The following SLC26A4 variants were observed in gnomAD, a reference collection of about 807,000 sequenced individuals.
The protein encoded by SLC26A4 is solute carrier family 26 member 4.
A neutral mutation model predicts 90.4 loss-of-function variants in SLC26A4; 93 were observed. The ratio of observed to expected loss-of-function variants is 1.03; its 90% CI spans 0.87 to 1.22. SLC26A4 has a LOEUF of 1.22. SLC26A4 is among the 50% of genes most tolerant of loss of function. The pLI is 0.00. For synonymous variants in SLC26A4, 393 were observed against 354.6 expected, an observed-to-expected ratio of 1.11 and a Z score of -1.22; for missense variants, 1,127 against 946.2, an observed-to-expected ratio of 1.19 and a Z score of -2.51.
chr7:107,685,847 TATAGTG>T (rs1239519507), intron 8 of SLC26A4, among the ~76,000 whole-genome samples: 7 of 152,284 alleles, frequency 4.6e-5, no homozygotes, highest in Non-Finnish European at 8.8e-5. Context: ...CCTCTTCTGT[TATAGTG>T]GTGTGTGTGT....
intron 3 of SLC26A4, among the ~76,000 whole-genome samples, chr7:107,664,539 C>T (rs1021973910): frequency 1.3e-5 from 2 of 152,146 alleles, no homozygotes; most frequent in African/African-American, 2.4e-5. Context: ...GCCTCCCACA[C>T]GTGGATCTTG....
In SLC26A4 at chr7:107,694,682, T is replaced by A; in HGVS notation, c.1403T>A (p.Ile468Asn). 15 of 1,613,466 alleles carry A rather than the reference T, an allele frequency of 9.3e-6. No individual in the cohort carries two copies. The highest frequency in any genetic ancestry group is 1.3e-5 in the Non-Finnish European group (15 of 1,179,410). ...LKGMFMQLCDIPRLWRQNKID... is the reference protein window; with the variant it reads ...LKGMFMQLCDNPRLWRQNKID... Reference sequence around the variant, plus strand: ...GGGATGTTTATGCAGCTGTGTGACATTCCTCGTCTGTGGAGACAGAATAAG... The same window carrying A: ...GGGATGTTTATGCAGCTGTGTGACAATCCTCGTCTGTGGAGACAGAATAAG... Residue 468 changes from isoleucine (I) to asparagine (N), a missense_variant, in exon 12 of 21, where the codon ATT becomes AAT. Transcript: ENST00000644269.
chr7:107,717,060 C>T lies in SLC26A4; in HGVS notation c.*1614C>T, dbSNP rs995631227. On this transcript the variant is annotated 3_prime_UTR_variant, in exon 21 of 21. Coordinates refer to ENST00000644269, the MANE Select transcript of SLC26A4 (RefSeq NM_000441.2). ...CTTATATTGACAACAAATCATCTCG[C>T]TAAAGAGTGAATGTAGGCCAGGCGC... The T allele has an allele frequency of 6.6e-6, 1 of 152,086 alleles. No homozygotes were observed. Among genetic ancestry groups the T allele is most frequent in the Non-Finnish European group, 1.5e-5 (1 of 68,020 alleles). 9.4% of individuals were successfully genotyped at this position (152,086 alleles called of 1,614,324 possible).
chr7:107,693,662 G>C, intron 10 of SLC26A4: 1 of 989,794 alleles, frequency 1.0e-6, no homozygotes, highest in South Asian at 4.6e-5. Flanking sequence ...CTCCTAACTA[G>C]TATGGATCTT....
Position 107,701,946 on chromosome 7 carries a change from C to T in SLC26A4, c.1923C>T (p.Asn641=), listed in dbSNP as rs1791901657. 1.9e-6 allele frequency: 3 copies of T among 1,613,252 alleles called. No homozygotes were observed. Among genetic ancestry groups the T allele is most frequent in the Non-Finnish European group, 2.5e-6 (3 of 1,179,198 alleles). The part of the protein sequence containing the change: ...TKEIEIQVDW[N]SELPVKVNVP... ...AAATAGAGATTCAAGTGGATTGGAACTCTGAGCTTCCAGTCAAAGTGAACG... is the reference window on the plus strand; with the variant it reads ...AAATAGAGATTCAAGTGGATTGGAATTCTGAGCTTCCAGTCAAAGTGAACG... Residue 641 remains asparagine, a synonymous_variant, in exon 17 of 21, where the codon AAC becomes AAT. Transcript: ENST00000644269.
chr7:107,687,244 G>A (rs985403258), intron 8 of SLC26A4, among the ~76,000 whole-genome samples: 2 of 152,188 alleles, frequency 1.3e-5, no homozygotes, highest in Non-Finnish European at 2.9e-5. Context: ...GGCCCACTGA[G>A]CAAAAAATTT....
At chr7:107,700,320 C>T (rs1791854071) in intron 15 of SLC26A4, 145 bp downstream of exon 15, 1 of 628,874 alleles carries the variant, frequency 1.6e-6, no homozygotes, top group African/African-American at 1.9e-5. Context: ...ATATAACATC[C>T]TTGCCTTCAA....
Position 107,710,062 on chromosome 7 carries a change from A to G in SLC26A4, c.2098A>G (p.Ile700Val). 5.0e-6 allele frequency: 8 copies of G among 1,613,220 alleles called. No individual in the cohort carries two copies. The highest frequency in any genetic ancestry group is 5.9e-6 in the Non-Finnish European group (7 of 1,179,202). Residue 700 changes from isoleucine (I) to valine (V), a missense_variant, in exon 19 of 21, where the codon ATA becomes GTA. Transcript: ENST00000644269. ...VYFASLQDYV[I>V]EKLEQCGFFD... ...GTGTCTTTCTTTTGAAGATTATGTGATAGAAAAGCTGGAGCAATGCGGGTT... is the reference window on the plus strand; with the variant it reads ...GTGTCTTTCTTTTGAAGATTATGTGGTAGAAAAGCTGGAGCAATGCGGGTT...
chr7:107,683,082 T>C, intron 6 of SLC26A4, 120 bp from the exon 7 acceptor site: 1 of 759,254 alleles, frequency 1.3e-6, no homozygotes. Flanking sequence ...TGTTTGATGC[T>C]GATATCATGG....
intron 18 of SLC26A4, among the ~76,000 whole-genome samples, chr7:107,705,179 A>C (rs1037411438): frequency 6.6e-6 from 1 of 152,188 alleles, no homozygotes; most frequent in Non-Finnish European, 1.5e-5. Flanking sequence ...CGTTTTGATC[A>C]GGCTCTCACC....
At chr7:107,701,285 T>C in intron 16 of SLC26A4, 89 bp downstream of exon 16, 1 of 814,358 alleles carries the variant, frequency 1.2e-6, no homozygotes, top group Non-Finnish European at 2.2e-6. Flanking sequence ...CTATCCTCTT[T>C]AGTATCCAGA....
At position 107,711,186 on chromosome 7, in the gene SLC26A4, G is replaced by GA. The variant is rs368636497; in HGVS notation, c.2235+996dup. Among the ~76,000 whole-genome samples the GA allele has an allele frequency of 1.6e-4, 23 of 146,440 alleles. No homozygotes were observed. In the East Asian group the frequency reaches 2.2e-3, roughly 14 times the overall value. ...AAAAGAGTAAAGCTACAAATCTAAA[G>GA]AAAAAAAAACTGTTTATCATTGAAA... On this transcript the variant is annotated intron_variant, in intron 19 of 20. Transcript: ENST00000644269.
At chr7:107,672,094 G>A in intron 3 of SLC26A4, 44 bp from the exon 4 acceptor site, 1 of 1,238,142 alleles carries the variant, frequency 8.1e-7, no homozygotes, top group Non-Finnish European at 1.2e-6. Flanking sequence ...TCTGCATACT[G>A]TAACTTTGGT....
chr7:107,698,112 G>T lies in SLC26A4; in HGVS notation c.1614+1G>T, dbSNP rs111033312. 6.3e-7 allele frequency: 1 copy of T among 1,591,322 alleles called. No homozygotes were observed. Among genetic ancestry groups the T allele is most frequent in the Admixed American group, 1.7e-5 (1 of 59,956 alleles). On this transcript the variant is annotated splice_donor_variant, in intron 14 of 20. Coordinates refer to ENST00000644269, the MANE Select transcript of SLC26A4 (RefSeq NM_000441.2). LOFTEE classifies it high-confidence loss of function. ...CAAAAGTACCAAGAATTACAAAAAC[G>T]TAAGTACCTTTGTGAGACATTTGCT...
At chr7:107,667,460 TTAA>T (rs1455494355) in intron 3 of SLC26A4, among the ~76,000 whole-genome samples, 12 of 26,426 alleles carry the variant, frequency 4.5e-4, no homozygotes, top group African/African-American at 2.0e-3. Flanking sequence ...GAGAGAAGGT[TTAA>T]AAAAAAAAAA....
At chr7:107,708,177 A>G (rs1792079883) in intron 18 of SLC26A4, among the ~76,000 whole-genome samples, 1 of 152,198 alleles carries the variant, frequency 6.6e-6, no homozygotes, top group African/African-American at 2.4e-5. Context: ...ATTTTTAGAA[A>G]AACTTATAAA....
At chr7:107,685,559 G>A (rs530044902) in intron 8 of SLC26A4, among the ~76,000 whole-genome samples, 1 of 152,188 alleles carries the variant, frequency 6.6e-6, no homozygotes, top group African/African-American at 2.4e-5. Flanking sequence ...AGGACCATAA[G>A]TTAGTCCCCA....
At chr7:107,686,757 G>A (rs1562831435) in intron 8 of SLC26A4, among the ~76,000 whole-genome samples, 1 of 152,128 alleles carries the variant, frequency 6.6e-6, no homozygotes, top group Admixed American at 6.6e-5. Flanking sequence ...TGGGATTACA[G>A]GCACTGTTAT....
intron 17 of SLC26A4, among the ~76,000 whole-genome samples, chr7:107,702,391 T>C (rs1335954412): frequency 2.0e-5 from 3 of 152,168 alleles, no homozygotes; most frequent in Admixed American, 1.3e-4. Context: ...ATAAGGTGTT[T>C]AGAAGAGTGT....
Sources: allele counts gnomAD v4.1 joint callset (sites outside exome capture counted in the v4.1 genomes callset), GRCh38; gene constraint gnomAD v4.1.1; transcripts MANE v1.5; gene names NCBI Gene and HGNC (gene_info 2026-07-23, HGNC 2026-07-21).